The following PDGFRL variants were observed in gnomAD, a reference collection of about 807,000 sequenced individuals.
PDGFRL encodes the protein platelet derived growth factor receptor like.
A neutral mutation model predicts 37.2 loss-of-function variants in PDGFRL; 46 were observed. The observed-to-expected ratio is 1.24, with a 90% CI of 0.98 to 1.58. PDGFRL has a LOEUF of 1.58. Ranked by LOEUF, PDGFRL falls within the 40% of genes most tolerant of loss-of-function variation. The probability of loss-of-function intolerance (pLI) is 0.00; values close to 1 mark genes in which losing one functional copy is unlikely to be tolerated. For missense variants in PDGFRL, 692 were observed against 467.6 expected (o/e 1.48, Z -4.43); for synonymous variants, 251 against 184.3 (o/e 1.36, Z -2.93).
At chr8:17,638,759 AT>A (rs1805027664) in intron 5 of PDGFRL, among the ~76,000 whole-genome samples, 9 of 92,830 alleles carry the variant, frequency 9.7e-5, no homozygotes, top group South Asian at 3.2e-4. Flanking sequence ...ATATATATAT[AT>A]ATATATATAT....
At chr8:17,596,651 G>A (rs2705040) in intron 2 of PDGFRL, among the ~76,000 whole-genome samples, 1 of 152,076 alleles carries the variant, frequency 6.6e-6, no homozygotes. Flanking sequence ...TATTCAGCAT[G>A]TGAAAAAACA....
chr8:17,588,187 A>G (rs1475928091), intron 1 of PDGFRL, among the ~76,000 whole-genome samples: 1 of 152,176 alleles, frequency 6.6e-6, no homozygotes, highest in Non-Finnish European at 1.5e-5. Context: ...CCTTCCCCAG[A>G]GACATTTTGT....
Position 17,621,050 on chromosome 8 carries a change from G to A in PDGFRL, c.354-1G>A. ...TGAGTTCATGTGTCTTTTATTCCTA[G>A]CGTCAAGCAGAATGAGCGCTACGGC... On this transcript the variant is annotated splice_acceptor_variant, in intron 2 of 5. Transcript: ENST00000251630. LOFTEE classifies it high-confidence loss of function. The A allele has an allele frequency of 6.3e-7, 1 of 1,595,322 alleles. No homozygotes were observed. The highest frequency in any genetic ancestry group is 8.6e-7 in the Non-Finnish European group (1 of 1,167,456).
chr8:17,642,719 C>T lies in PDGFRL; in HGVS notation c.1046C>T (p.Thr349Met), dbSNP rs146087994. The stretch of plus-strand genomic sequence containing the variant: ...GTCATTACAGTGGAAGACTTTGAGA[C>T]GATTGATGCAGGATATTACATTTGC... ...QSVITVEDFE[T>M]IDAGYYICTA... Residue 349 changes from threonine (T) to methionine (M), a missense_variant, in exon 6 of 6, where the codon ACG becomes ATG. Coordinates refer to ENST00000251630, the MANE Select transcript of PDGFRL (RefSeq NM_001372073.1). 69 of 1,604,606 alleles carry T rather than the reference C, an allele frequency of 4.3e-5. No individual in the cohort carries two copies. Among genetic ancestry groups the T allele is most frequent in the East Asian group, 3.6e-4 (16 of 44,828 alleles).
chr8:17,620,237 T>C (rs1049424943), intron 2 of PDGFRL, among the ~76,000 whole-genome samples: 2 of 152,236 alleles, frequency 1.3e-5, no homozygotes, highest in East Asian at 1.9e-4. Context: ...ACTGGGATTA[T>C]AGGCATGAAC....
chr8:17,584,056 G>C (rs984310133), intron 1 of PDGFRL, among the ~76,000 whole-genome samples: 1 of 152,202 alleles, frequency 6.6e-6, no homozygotes, highest in Non-Finnish European at 1.5e-5. Flanking sequence ...TGTCTGGATG[G>C]TAAGTGGCTT....
intron 3 of PDGFRL, among the ~76,000 whole-genome samples, chr8:17,627,583 C>G (rs1804758315): frequency 6.6e-6 from 1 of 151,682 alleles, no homozygotes; most frequent in African/African-American, 2.4e-5. Flanking sequence ...AATTCTCATG[C>G]TTCAGCCTCC....
intron 2 of PDGFRL, among the ~76,000 whole-genome samples, chr8:17,608,539 CG>C (rs1804334947): frequency 6.6e-6 from 1 of 152,136 alleles, no homozygotes; most frequent in Non-Finnish European, 1.5e-5. Context: ...ATACAAGAGC[CG>C]GAGGGGTGAC....
intron 2 of PDGFRL, among the ~76,000 whole-genome samples, chr8:17,595,355 G>A (rs1804029409): frequency 6.6e-6 from 1 of 152,108 alleles, no homozygotes; most frequent in Non-Finnish European, 1.5e-5. Flanking sequence ...GTCTGGGCAG[G>A]CCCAGCTCAT....
chr8:17,593,596 C>G (rs962791371), intron 2 of PDGFRL, among the ~76,000 whole-genome samples: 1 of 125,012 alleles, frequency 8.0e-6, no homozygotes, highest in Admixed American at 8.3e-5. Flanking sequence ...GAGACTGTTT[C>G]AAAAAAAAAA....
Position 17,589,575 on chromosome 8 carries a change from A to G in PDGFRL, c.163A>G (p.Arg55Gly). Residue 55 changes from arginine (R) to glycine (G), a missense_variant, in exon 2 of 6, where the codon AGG becomes GGG. Arg to Gly is a moderately radical substitution (Grantham distance 125). Transcript: ENST00000251630. ...VKPKIPKMKD[R>G]DSANSAPKTQ... ...GCCCAAAATTCCTAAAATGAAGGACAGGGACTCAGCCAATTCAGCACCAAA... is the reference window on the plus strand; with the variant it reads ...GCCCAAAATTCCTAAAATGAAGGACGGGGACTCAGCCAATTCAGCACCAAA... The G allele has an allele frequency of 1.7e-5, 27 of 1,613,780 alleles. No individual in the cohort carries two copies. The highest frequency in any genetic ancestry group is 2.1e-5 in the Non-Finnish European group (25 of 1,179,646).
chr8:17,591,875 C>T (rs1283673996), intron 2 of PDGFRL, among the ~76,000 whole-genome samples: 1 of 152,146 alleles, frequency 6.6e-6, no homozygotes, highest in African/African-American at 2.4e-5. Context: ...GAGATCAGGC[C>T]ACTGTGCTCC....
rs762418219 is a variant in PDGFRL at position 17,634,117 on chromosome 8, C to T, written c.843C>T (p.Asn281=). The T allele has an allele frequency of 1.2e-6, 2 of 1,613,892 alleles. No homozygotes were observed. Among genetic ancestry groups the T allele is most frequent in the Middle Eastern group, 1.6e-4 (1 of 6,062 alleles). Residue 281 remains asparagine (N), a synonymous_variant, in exon 5 of 6, where the codon AAC becomes AAT. Transcript: ENST00000251630. Reference sequence around the variant, plus strand: ...CAACAACCATCTTGGCTTCTTCAAACAAAGTGAAAAGTGGGGACGACATCA... The same window carrying T: ...CAACAACCATCTTGGCTTCTTCAAATAAAGTGAAAAGTGGGGACGACATCA... ...PPSTTILASS[N]KVKSGDDISV... is the part of the protein sequence containing the mutation.
intron 3 of PDGFRL, among the ~76,000 whole-genome samples, chr8:17,624,848 A>G (rs1450435312): frequency 6.6e-6 from 1 of 152,168 alleles, no homozygotes; most frequent in Non-Finnish European, 1.5e-5. Context: ...GCAGCGAGTC[A>G]AAGTTGCAGT....
chr8:17,611,555 G>C lies in PDGFRL; in HGVS notation c.354-9496G>C, dbSNP rs538420159. Among the ~76,000 whole-genome samples the C allele has an allele frequency of 1.8e-3, 269 of 152,272 alleles. 1 individual carries two copies. Among genetic ancestry groups the C allele is most frequent in the African/African-American group, 6.3e-3 (262 of 41,560 alleles). The stretch of plus-strand genomic sequence containing the variant: ...AGATAGAAGAAGAGAGCGCTTCAGA[G>C]GGAAAGAGATGCGTGGAGGGCTCAG... On this transcript the variant is annotated intron_variant, in intron 2 of 5. Coordinates refer to ENST00000251630, the MANE Select transcript of PDGFRL (RefSeq NM_001372073.1).
Position 17,634,215 on chromosome 8 carries a change from T to C in PDGFRL, c.939+2T>C. The C allele has an allele frequency of 6.2e-7, 1 of 1,608,608 alleles. No homozygotes were observed. Among genetic ancestry groups the C allele is most frequent in the Non-Finnish European group, 8.5e-7 (1 of 1,176,606 alleles). On this transcript the variant is annotated splice_donor_variant, in intron 5 of 5. Coordinates refer to ENST00000251630, the MANE Select transcript of PDGFRL (RefSeq NM_001372073.1). LOFTEE classifies it high-confidence loss of function. The stretch of plus-strand genomic sequence containing the variant: ...ACCTGGATCTTCCCAGGGCAGAAGG[T>C]AAGTGTTGTACCTGCATCTCAGCCC...
intron 3 of PDGFRL, among the ~76,000 whole-genome samples, chr8:17,621,812 C>G (rs979813917): frequency 1.3e-5 from 2 of 152,082 alleles, no homozygotes; most frequent in African/African-American, 4.8e-5. Flanking sequence ...CACTAAAGAC[C>G]TCCCATTTGT....
chr8:17,597,658 C>A (rs1205354019), intron 2 of PDGFRL, among the ~76,000 whole-genome samples: 1 of 151,988 alleles, frequency 6.6e-6, no homozygotes, highest in Admixed American at 6.6e-5. Context: ...GATTAAAACA[C>A]AATATGAAGA....
chr8:17,617,301 CT>C (rs140732187), intron 2 of PDGFRL, among the ~76,000 whole-genome samples: 2,866 of 152,274 alleles, frequency 0.019, 83 homozygotes, highest in African/African-American at 0.065. Flanking sequence ...GTGAATTCTG[CT>C]TCTCTTAGGA....
Sources: allele counts gnomAD v4.1 joint callset (sites outside exome capture counted in the v4.1 genomes callset), GRCh38; gene constraint gnomAD v4.1.1; transcripts MANE v1.5; gene names NCBI Gene and HGNC (gene_info 2026-07-23, HGNC 2026-07-21).